ZNRF3: variants seen among roughly 807,000 people sequenced by gnomAD.
The protein encoded by ZNRF3 is E3 ubiquitin-protein ligase ZNRF3.
Under a neutral mutation model 72.5 loss-of-function variants are expected in ZNRF3, and 23 were observed. The ratio of observed to expected loss-of-function variants is 0.32; its 90% CI spans 0.23 to 0.45. ZNRF3 has a LOEUF of 0.45. Among genes scored for constraint, ZNRF3 ranks in the 20% least tolerant of loss-of-function variants. The pLI is 1.00. For missense variants in ZNRF3, 1,169 were observed against 1,272.1 expected (o/e 0.92, Z 1.23); for synonymous variants, 610 against 545.3 (o/e 1.12, Z -1.65).
intron 1 of ZNRF3, among the ~76,000 whole-genome samples, chr22:28,904,968 C>G (rs1232152964): frequency 6.7e-6 from 1 of 148,996 alleles, no homozygotes; most frequent in Non-Finnish European, 1.5e-5. Flanking sequence ...GAGACAGGGT[C>G]TCACTCTGTC....
intron 1 of ZNRF3, among the ~76,000 whole-genome samples, chr22:28,892,607 C>A (rs2033910603): frequency 3.9e-5 from 6 of 152,180 alleles, no homozygotes; most frequent in African/African-American, 1.2e-4. Context: ...TTCAGTGGCT[C>A]TGTTTACTCA....
In ZNRF3 at chr22:29,044,879, C is replaced by T. The variant is rs1188411932; in HGVS notation, c.733C>T (p.Arg245Ter). 1 of 1,613,268 alleles carries T rather than the reference C, an allele frequency of 6.2e-7. No homozygotes were observed. The highest frequency in any genetic ancestry group is 8.5e-7 in the Non-Finnish European group (1 of 1,179,402). ...CCTTGTCAAAATCAAGCTGAAGCAGCGACGCAGTCAGGTAGTGCCTCTGTG... is the reference window on the plus strand; with the variant it reads ...CCTTGTCAAAATCAAGCTGAAGCAGTGACGCAGTCAGGTAGTGCCTCTGTG... ...ILLVKIKLKQRRSQNSMNRLA... is the reference protein window; with the variant it reads ...ILLVKIKLKQ The change falls in exon 5 of 9, where the codon CGA becomes TGA. Residue 245 changes from arginine to a stop codon, truncating the protein, a stop_gained. Transcript: ENST00000544604. LOFTEE classifies it high-confidence loss of function.
rs1021960387 is a variant in ZNRF3, at chr22:28,885,514, C to A, written c.300+1448C>A. On this transcript the variant is annotated intron_variant, in intron 1 of 8. Transcript: ENST00000544604. ...ATTCCTAAACATTTAAGTCTTGCTC[C>A]TTGGCAACTTCTTGTCTTTCTTTGA... Among the ~76,000 whole-genome samples the A allele has an allele frequency of 2.7e-5, 4 of 150,200 alleles. No individual in the cohort carries two copies. In the South Asian group the frequency reaches 8.4e-4, roughly 32 times the overall value.
intron 1 of ZNRF3, among the ~76,000 whole-genome samples, chr22:28,957,091 A>C (rs2035274991): frequency 6.6e-6 from 1 of 152,252 alleles, no homozygotes; most frequent in Non-Finnish European, 1.5e-5. Context: ...ATGACAAAGC[A>C]GTGTAGATTT....
At chr22:28,935,524 A>C (rs1408866588) in intron 1 of ZNRF3, among the ~76,000 whole-genome samples, 1 of 151,252 alleles carries the variant, frequency 6.6e-6, no homozygotes, top group African/African-American at 2.4e-5. Context: ...ACTAGGCTCC[A>C]CTCTTTGGGG....
chr22:29,011,426 C>T (rs369817640), intron 2 of ZNRF3, among the ~76,000 whole-genome samples: 153 of 152,228 alleles, frequency 1.0e-3, no homozygotes, highest in African/African-American at 3.5e-3. Context: ...GGCGGCTGGC[C>T]GAACTCCAGG....
At chr22:28,912,394 ACT>A (rs2034333642) in intron 1 of ZNRF3, among the ~76,000 whole-genome samples, 2 of 151,700 alleles carry the variant, frequency 1.3e-5, no homozygotes, top group African/African-American at 4.8e-5. Context: ...TGCTTAAGTA[ACT>A]CTTTTTTTAA....
intron 2 of ZNRF3, among the ~76,000 whole-genome samples, chr22:29,016,688 T>C (rs2036443348): frequency 6.6e-6 from 1 of 152,218 alleles, no homozygotes; most frequent in Admixed American, 6.5e-5. Flanking sequence ...TGTTTTCATA[T>C]TCAGATTTAA....
At chr22:28,998,892 C>G (rs190700520) in intron 2 of ZNRF3, among the ~76,000 whole-genome samples, 1 of 152,258 alleles carries the variant, frequency 6.6e-6, no homozygotes, top group African/African-American at 2.4e-5. Context: ...TGGGGGAAGC[C>G]TAGCTCTAGA....
In ZNRF3 at chr22:29,048,325, A is replaced by G; in HGVS notation, c.913-64A>G. On this transcript the variant is annotated intron_variant, in intron 6 of 8. Coordinates refer to ENST00000544604, the MANE Select transcript of ZNRF3 (RefSeq NM_001206998.2). This position sits in a 1 kb window ranked among gnomAD's most constrained non-coding sequence, Gnocchi z 4.9. ...TGCAGAACTCCTTGGTCTATGCTGG[A>G]CTCTGCAGGAGGACACACCTGCGAG... 14 of 1,391,852 alleles carry G rather than the reference A, an allele frequency of 1.0e-5. No individual in the cohort carries two copies. The highest frequency in any genetic ancestry group is 1.4e-5 in the Non-Finnish European group (14 of 984,810). 86.2% of individuals were successfully genotyped at this position (1,391,852 alleles called of 1,614,324 possible).
At chr22:29,035,296 T>A (rs1327304126) in intron 2 of ZNRF3, among the ~76,000 whole-genome samples, 1 of 152,178 alleles carries the variant, frequency 6.6e-6, no homozygotes, top group African/African-American at 2.4e-5. Flanking sequence ...GAACCACTCA[T>A]GGCTATTAAG....
intron 1 of ZNRF3, among the ~76,000 whole-genome samples, chr22:28,972,186 G>C (rs920782516): frequency 6.6e-6 from 1 of 152,014 alleles, no homozygotes; most frequent in Non-Finnish European, 1.5e-5. Context: ...AGTATATTCA[G>C]AGTTGTACAA....
chr22:28,884,814 A>T (rs1243736520), intron 1 of ZNRF3, among the ~76,000 whole-genome samples: 1 of 152,052 alleles, frequency 6.6e-6, no homozygotes, highest in African/African-American at 2.4e-5. Context: ...GGACCAAATG[A>T]AAGAGATCTA....
chr22:29,048,136 C>T lies in ZNRF3; in HGVS notation c.913-253C>T, dbSNP rs1290335095. 6.6e-6 allele frequency among the ~76,000 whole-genome samples: 1 copy of T among 152,154 alleles called. No homozygotes were observed. Among genetic ancestry groups the T allele is most frequent in the Non-Finnish European group, 1.5e-5 (1 of 68,028 alleles). Reference sequence around the variant, plus strand: ...TGCCCTCCTCCAGCTACGGGAAAGACGCCTGCCTCTGTGCGTGCCCACTCC... The same window carrying T: ...TGCCCTCCTCCAGCTACGGGAAAGATGCCTGCCTCTGTGCGTGCCCACTCC... On this transcript the variant is annotated intron_variant, in intron 6 of 8. Coordinates refer to ENST00000544604, the MANE Select transcript of ZNRF3 (RefSeq NM_001206998.2). This position sits in a 1 kb window ranked among gnomAD's most constrained non-coding sequence, Gnocchi z 4.9.
intron 2 of ZNRF3, among the ~76,000 whole-genome samples, chr22:29,021,263 T>TA (rs1349080492): frequency 6.6e-6 from 1 of 151,776 alleles, no homozygotes; most frequent in Non-Finnish European, 1.5e-5. Flanking sequence ...TAAATAAAAA[T>TA]AAAATAAAAT....
In ZNRF3 at chr22:28,895,422, G is replaced by A. The variant is rs536559826; in HGVS notation, c.300+11356G>A. On this transcript the variant is annotated intron_variant, in intron 1 of 8. Transcript: ENST00000544604. Reference sequence around the variant, plus strand: ...CGGCCGGGCACGGTGGCTCACGCCTGTAATCCCAGCACTTTGGGAGGCTGA... The same window carrying A: ...CGGCCGGGCACGGTGGCTCACGCCTATAATCCCAGCACTTTGGGAGGCTGA... 8.6e-4 allele frequency among the ~76,000 whole-genome samples: 131 copies of A among 152,328 alleles called. 2 individuals are homozygous for A. The South Asian group carries it at 0.022, about 25-fold the overall frequency.
At chr22:28,993,204 A>G (rs1005132104) in intron 2 of ZNRF3, among the ~76,000 whole-genome samples, 6 of 152,166 alleles carry the variant, frequency 3.9e-5, no homozygotes, top group Non-Finnish European at 8.8e-5. Context: ...CCCTGCCACT[A>G]GATGTTTTGA....
intron 1 of ZNRF3, among the ~76,000 whole-genome samples, chr22:28,914,407 C>T (rs1377715931): frequency 2.0e-5 from 3 of 151,884 alleles, no homozygotes; most frequent in Non-Finnish European, 4.4e-5. Flanking sequence ...TGAGATATCC[C>T]CCATTGAGAT....
At chr22:28,998,895 G>T (rs2036092994) in intron 2 of ZNRF3, among the ~76,000 whole-genome samples, 1 of 152,134 alleles carries the variant, frequency 6.6e-6, no homozygotes, top group African/African-American at 2.4e-5. Flanking sequence ...GGGAAGCCTA[G>T]CTCTAGACAC....
Sources: allele counts gnomAD v4.1 joint callset (sites outside exome capture counted in the v4.1 genomes callset), GRCh38; gene constraint gnomAD v4.1.1; non-coding constraint Gnocchi (gnomAD v3.1); transcripts MANE v1.5; gene names NCBI Gene and HGNC (gene_info 2026-07-23, HGNC 2026-07-21).